The following PRPS2 variants were observed in gnomAD, a reference collection of about 807,000 sequenced individuals.
PRPS2 encodes phosphoribosyl pyrophosphate synthetase 2.
For missense variants in PRPS2, 104 were observed against 271.5 expected (o/e 0.38, Z 4.34); for synonymous variants, 111 against 115.3 (o/e 0.96, Z 0.24).
chrX:12,808,144 G>A (rs1346303478), intron 2 of PRPS2, among the ~76,000 whole-genome samples: 2 of 111,155 alleles, frequency 1.8e-5, no homozygotes, highest in Non-Finnish European at 3.8e-5. Context: ...TGAGATTACA[G>A]GCGTGAGCCA....
chrX:12,809,202 TC>T, intron 2 of PRPS2, 31 bp from the exon 3 acceptor site: 1 of 1,158,852 alleles, frequency 8.6e-7, no homozygotes, highest in Non-Finnish European at 1.2e-6. Flanking sequence ...ATCCATCTTT[TC>T]CTGTTATAAA....
At chrX:12,819,764 C>T (rs963560719) in intron 5 of PRPS2, 84 bp downstream of exon 5, 1 of 1,059,575 alleles carries the variant, frequency 9.4e-7, no homozygotes, top group African/African-American at 1.9e-5. Context: ...GCTCTTTTTT[C>T]CTGATTATTG....
In PRPS2 at chrX:12,791,440, C is replaced by G; in HGVS notation, c.-58C>G. 8.6e-7 allele frequency: 1 copy of G among 1,168,677 alleles called. No homozygotes were observed. Among genetic ancestry groups the G allele is most frequent in the Non-Finnish European group, 1.1e-6 (1 of 872,194 alleles). ...GCAGCAGCCTCCCGCGTCGCTGTCG[C>G]TGTTGCCTCCGCCACCTCCTCCGCC... On this transcript the variant is annotated 5_prime_UTR_variant, in exon 1 of 7. Transcript: ENST00000380668.
intron 1 of PRPS2, among the ~76,000 whole-genome samples, chrX:12,791,994 G>C (rs1229342113): frequency 8.8e-6 from 1 of 113,299 alleles, no homozygotes; most frequent in Non-Finnish European, 1.9e-5. Flanking sequence ...CGCAGCGGGC[G>C]GGAACCGCAT....
intron 4 of PRPS2, among the ~76,000 whole-genome samples, chrX:12,817,494 A>T (rs1366159533): frequency 2.0e-5 from 2 of 98,728 alleles, no homozygotes; most frequent in African/African-American, 7.2e-5. Context: ...AAAAAAGGAA[A>T]TATTAGCCGA....
chrX:12,804,641 C>T (rs1480852326), intron 2 of PRPS2, among the ~76,000 whole-genome samples: 1 of 110,905 alleles, frequency 9.0e-6, no homozygotes. Context: ...CTACTGTTTA[C>T]CAGTACAGGT....
At chrX:12,797,852 C>G (rs1400993355) in intron 1 of PRPS2, among the ~76,000 whole-genome samples, 2 of 112,388 alleles carry the variant, frequency 1.8e-5, no homozygotes, top group African/African-American at 6.5e-5. Flanking sequence ...TCCAGACATG[C>G]AATTTTCAAA....
At position 12,809,219 on chromosome X, in the gene PRPS2, T is replaced by C; in HGVS notation, c.307-15T>C. The C allele has an allele frequency of 8.4e-7, 1 of 1,194,614 alleles. No individual in the cohort carries two copies. On this transcript the variant is annotated splice_polypyrimidine_tract_variant and intron_variant, in intron 2 of 6. Coordinates refer to ENST00000380668, the MANE Select transcript of PRPS2 (RefSeq NM_002765.5). ...CCATCTTTTCCTGTTATAAAATTAATGTTCTTACTTGTAGAGTCGTGCCCC... is the reference window on the plus strand; with the variant it reads ...CCATCTTTTCCTGTTATAAAATTAACGTTCTTACTTGTAGAGTCGTGCCCC...
intron 4 of PRPS2, among the ~76,000 whole-genome samples, chrX:12,811,646 A>G (rs999241569): frequency 8.9e-6 from 1 of 112,073 alleles, no homozygotes; most frequent in African/African-American, 3.2e-5. Flanking sequence ...GAGAGTGACA[A>G]GTGATCAGCC....
intron 4 of PRPS2, 147 bp from the exon 5 acceptor site, chrX:12,819,360 G>T: frequency 1.6e-6 from 1 of 616,011 alleles, no homozygotes; most frequent in Non-Finnish European, 2.4e-6. Flanking sequence ...CTAAGTGCCT[G>T]CCCCAGACCA....
intron 4 of PRPS2, among the ~76,000 whole-genome samples, chrX:12,811,294 G>A (rs376950815): frequency 8.9e-6 from 1 of 112,379 alleles, no homozygotes; most frequent in Non-Finnish European, 1.9e-5. Context: ...CAACCTGGTC[G>A]TAACAGTACG....
At chrX:12,814,561 G>A (rs977469638) in intron 4 of PRPS2, among the ~76,000 whole-genome samples, 1 of 112,218 alleles carries the variant, frequency 8.9e-6, no homozygotes, top group Non-Finnish European at 1.9e-5. Context: ...CTGACCAATT[G>A]GAGCTTGTTG....
chrX:12,801,694 C>T lies in PRPS2; in HGVS notation c.306+2304C>T, dbSNP rs903090191. Among the ~76,000 whole-genome samples the T allele has an allele frequency of 7.1e-5, 8 of 112,480 alleles. No homozygotes were observed. The East Asian group carries it at 1.1e-3, about 16-fold the overall frequency. The stretch of plus-strand genomic sequence containing the variant: ...CACGATCTCAGCTCACTGCAACCTC[C>T]GCCTCCCAGGCTCAAGCAATCCTCC... On this transcript the variant is annotated intron_variant, in intron 2 of 6. Transcript: ENST00000380668.
rs923099470 is a variant in PRPS2 at position 12,794,394 on chromosome X, A to G, written c.122+2775A>G. Among the ~76,000 whole-genome samples, 4 of 111,784 alleles carry G rather than the reference A, an allele frequency of 3.6e-5. No individual in the cohort carries two copies. In the Admixed American group the frequency reaches 3.8e-4, roughly 11 times the overall value. On this transcript the variant is annotated intron_variant, in intron 1 of 6. Coordinates refer to ENST00000380668, the MANE Select transcript of PRPS2 (RefSeq NM_002765.5). Reference sequence around the variant, plus strand: ...GAGCACATGTTCCAAAAGACAGGACATTGAAGCCACCAGTCCATTAAGGAC... The same window carrying G: ...GAGCACATGTTCCAAAAGACAGGACGTTGAAGCCACCAGTCCATTAAGGAC...
At chrX:12,822,216 A>G (rs1254250796) in intron 6 of PRPS2, among the ~76,000 whole-genome samples, 3 of 111,858 alleles carry the variant, frequency 2.7e-5, no homozygotes, top group African/African-American at 9.8e-5. Flanking sequence ...CTTTCACGCT[A>G]CAATGGGCAA....
At chrX:12,793,105 C>G (rs2042527763) in intron 1 of PRPS2, among the ~76,000 whole-genome samples, 1 of 112,286 alleles carries the variant, frequency 8.9e-6, no homozygotes, top group African/African-American at 3.2e-5. Flanking sequence ...TTGAGTGTTG[C>G]AGTATTTTGC....
In PRPS2 at chrX:12,818,380, A is replaced by AAAG. The variant is rs1555903802; in HGVS notation, c.531-1125_531-1124insGAA. On this transcript the variant is annotated intron_variant, in intron 4 of 6. Transcript: ENST00000380668. The stretch of plus-strand genomic sequence containing the variant: ...TGAAACTGTCTCAAAAAAAAAAAAA[A>AAAG]AAAAGAAAAGAAAAGAAACACTGGT... Among the ~76,000 whole-genome samples the AAAG allele has an allele frequency of 2.8e-5, 3 of 108,005 alleles. No homozygotes were observed. In the Admixed American group the frequency reaches 3.0e-4, roughly 11 times the overall value. 93.8% of individuals were successfully genotyped at this position (108,005 alleles called of 115,157 possible). A position where few individuals can be genotyped will look rare whatever the true frequency, so the allele number is the denominator to read the frequency against.
chrX:12,814,407 TC>T (rs2042638079), intron 4 of PRPS2, among the ~76,000 whole-genome samples: 1 of 112,103 alleles, frequency 8.9e-6, no homozygotes, highest in South Asian at 3.7e-4. Flanking sequence ...ATTATTGTCA[TC>T]CTCATATTCT....
chrX:12,819,476 G>A (rs745343458), intron 4 of PRPS2, 31 bp from the exon 5 acceptor site: 15 of 1,191,618 alleles, frequency 1.3e-5, no homozygotes, highest in Middle Eastern at 2.3e-4. Flanking sequence ...CTAGTTGACT[G>A]TATGAACATG....
Sources: gnomAD v4.1 joint callset for allele counts (sites outside exome capture counted in the v4.1 genomes callset) on GRCh38, gnomAD v4.1.1 for gene constraint, MANE v1.5 for transcripts, NCBI Gene and HGNC (gene_info 2026-07-23, HGNC 2026-07-21) for gene names.